CNGA4: variants seen among roughly 807,000 people sequenced by gnomAD.
The protein encoded by CNGA4 is cyclic nucleotide gated channel subunit alpha 4, also known as cyclic nucleotide-gated channel alpha-4.
Under a neutral mutation model 45.6 loss-of-function variants are expected in CNGA4, and 32 were observed. The ratio of observed to expected loss-of-function variants is 0.70; its 90% CI spans 0.53 to 0.94. The LOEUF (loss-of-function observed/expected upper bound fraction) is 0.94, where lower values mean the gene tolerates loss of function less well. CNGA4 is among the 40% of genes least tolerant of loss of function. CNGA4 has a pLI of 0.00. For synonymous variants in CNGA4, 293 were observed against 304.6 expected, an observed-to-expected ratio of 0.96 and a Z score of 0.40; for missense variants, 726 against 755.1, an observed-to-expected ratio of 0.96 and a Z score of 0.45.
Position 6,240,822 on chromosome 11 carries a change from A to G in CNGA4, c.917+111A>G. ...GAGCCAGGCAAGGCTGTCAAAATGT[A>G]GCATTCAGCCGTGGGTTTGCTGGCT... On this transcript the variant is annotated intron_variant, in intron 4 of 5. Transcript: ENST00000379936. The surrounding 1 kb of genome is among the most constrained non-coding windows in gnomAD (Gnocchi z 4.9). The G allele has an allele frequency of 3.0e-6, 4 of 1,352,204 alleles. No homozygotes were observed. The highest frequency in any genetic ancestry group is 4.0e-6 in the Non-Finnish European group (4 of 988,170). The allele number at this position is 1,352,204 out of a possible 1,614,324, so 83.8% of individuals were successfully genotyped here.
chr11:6,240,741 G>C lies in CNGA4; in HGVS notation c.917+30G>C. 1 of 1,599,242 alleles carries C rather than the reference G, an allele frequency of 6.3e-7. No homozygotes were observed. The highest frequency in any genetic ancestry group is 8.5e-7 in the Non-Finnish European group (1 of 1,171,628). ...GAAGGCGGGGTTCCAGACCAGGACAGGGACCAGTGTAGGTGATGGAACCTG... is the reference window on the plus strand; with the variant it reads ...GAAGGCGGGGTTCCAGACCAGGACACGGACCAGTGTAGGTGATGGAACCTG... On this transcript the variant is annotated intron_variant, in intron 4 of 5. Transcript: ENST00000379936. This position sits in a 1 kb window ranked among gnomAD's most constrained non-coding sequence, Gnocchi z 4.9.
upstream of CNGA4, chr11:6,239,081 G>T: frequency 2.6e-6 from 4 of 1,560,410 alleles, no homozygotes; most frequent in Non-Finnish European, 3.5e-6. Flanking sequence ...CAAAGACAAA[G>T]AAGTCACAGC....
chr11:6,239,254 C>A lies in CNGA4; in HGVS notation c.48C>A (p.Ala16=). The A allele has an allele frequency of 6.2e-7, 1 of 1,614,210 alleles. No individual in the cohort carries two copies. The highest frequency in any genetic ancestry group is 1.3e-5 in the African/African-American group (1 of 75,056). ...AGACAACAGAGTCCAGTCCCCCAGCCCCATCCAAGGCCAGGTGAGAAGTCC... is the reference window on the plus strand; with the variant it reads ...AGACAACAGAGTCCAGTCCCCCAGCACCATCCAAGGCCAGGTGAGAAGTCC... ...KVKTTESSPP[A]PSKARKLLPV... Residue 16 remains alanine (A), a synonymous_variant, in exon 1 of 6, where the codon GCC becomes GCA. Transcript: ENST00000379936.
upstream of CNGA4, chr11:6,235,603 TAAAATAGA>T (rs1462038701): frequency 2.0e-5 from 19 of 934,630 alleles, no homozygotes; most frequent in Non-Finnish European, 2.4e-5. Flanking sequence ...TAAGATAAAC[TAAAATAGA>T]AAAATAGAAG....
In CNGA4 at chr11:6,241,494, T is replaced by C; in HGVS notation, c.981T>C (p.Pro327=). 1.2e-6 allele frequency: 2 copies of C among 1,612,626 alleles called. No individual in the cohort carries two copies. The highest frequency in any genetic ancestry group is 2.2e-5 in the East Asian group (1 of 44,862). The change falls in exon 5 of 6, where the codon CCT becomes CCC. Residue 327 remains proline (P), a synonymous_variant. Transcript: ENST00000379936. ...TNEVAILQHL[P]ERLRAEVAVS... ...AGGTAGCCATCTTACAGCACTTGCC[T>C]GAGCGGCTGCGGGCAGAAGTGGCTG...
intron 5 of CNGA4, 130 bp downstream of exon 5, chr11:6,241,910 G>A: frequency 2.6e-6 from 2 of 757,660 alleles, no homozygotes; most frequent in Non-Finnish European, 4.3e-6. Context: ...CCTTCTCTGA[G>A]TCACTAGATG....
At position 6,243,844 on chromosome 11, in the gene CNGA4, G is replaced by A; in HGVS notation, c.1268-105G>A. ...AAAGAATTAATGAGGCAGAAGGAGA[G>A]GCTCAGAAGCACAAATATGGAGGTG... On this transcript the variant is annotated intron_variant, in intron 5 of 5. Transcript: ENST00000379936. 5.0e-6 allele frequency: 5 copies of A among 1,008,290 alleles called. No homozygotes were observed. In the South Asian group the frequency reaches 6.5e-5, roughly 13 times the overall value. The allele number at this position is 1,008,290 out of a possible 1,614,324, so 62.5% of individuals were successfully genotyped here.
chr11:6,234,866 A>G (rs1217544885), upstream of CNGA4: 1 of 152,544 alleles, frequency 6.6e-6, no homozygotes, highest in East Asian at 1.9e-4. Flanking sequence ...TCGTACGTAA[A>G]CCCCGCCCCT....
At chr11:6,242,138 A>G (rs1402395758) in intron 5 of CNGA4, 1 of 425,254 alleles carries the variant, frequency 2.4e-6, no homozygotes, top group African/African-American at 2.0e-5. Flanking sequence ...AGTGCTTCAC[A>G]TGATATTAAC....
upstream of CNGA4, chr11:6,239,070 C>T: frequency 2.6e-6 from 4 of 1,540,198 alleles, no homozygotes; most frequent in South Asian, 5.0e-5. Context: ...GCTAAGAGCC[C>T]CAAAGACAAA....
chr11:6,239,175 C>A lies in CNGA4; in HGVS notation c.-32C>A. The A allele has an allele frequency of 6.2e-7, 1 of 1,612,618 alleles. No individual in the cohort carries two copies. ...CCCCTACAGGCAGAGAGGGTGTGGA[C>A]ATCTCACACCCCAGCACCAGACCAC... On this transcript the variant is annotated 5_prime_UTR_variant, in exon 1 of 6. Transcript: ENST00000379936.
intron 1 of CNGA4, 34 bp downstream of exon 1, chr11:6,239,302 C>T: frequency 6.2e-7 from 1 of 1,613,062 alleles, no homozygotes; most frequent in Non-Finnish European, 8.5e-7. Flanking sequence ...TGGGATCTCT[C>T]CTCATTCCTC....
At chr11:6,239,051 G>A, upstream of CNGA4, 1 of 1,501,502 alleles carries the variant, frequency 6.7e-7, no homozygotes, top group Non-Finnish European at 8.9e-7. Flanking sequence ...CGCTAGCTCT[G>A]GTTGTGTTGC....
At chr11:6,243,773 G>C (rs956607056) in intron 5 of CNGA4, among the ~76,000 whole-genome samples, 176 bp from the exon 6 acceptor site, 5 of 152,136 alleles carry the variant, frequency 3.3e-5, no homozygotes, top group Non-Finnish European at 5.9e-5. Context: ...GCAGGTCACT[G>C]ATACCTACCC....
Position 6,240,795 on chromosome 11 carries a change from G to GC in CNGA4, c.917+84_917+85insC. 1 of 1,505,360 alleles carries GC rather than the reference G, an allele frequency of 6.6e-7. No individual in the cohort carries two copies. The highest frequency in any genetic ancestry group is 9.0e-7 in the Non-Finnish European group (1 of 1,108,266). The allele number at this position is 1,505,360 out of a possible 1,614,324, so 93.3% of individuals were successfully genotyped here. A position where few individuals can be genotyped will look rare whatever the true frequency, so the allele number is the denominator to read the frequency against. On this transcript the variant is annotated intron_variant, in intron 4 of 5. Transcript: ENST00000379936. The surrounding 1 kb of genome is among the most constrained non-coding windows in gnomAD (Gnocchi z 4.9). ...GAGGTAACTGGGTCCTTAGTGCCTG[G>GC]TGAGCCAGGCAAGGCTGTCAAAATG... is the stretch of plus-strand genomic sequence containing the variant.
chr11:6,243,708 G>A (rs1847948878), intron 5 of CNGA4, among the ~76,000 whole-genome samples: 1 of 152,172 alleles, frequency 6.6e-6, no homozygotes, highest in African/African-American at 2.4e-5. Context: ...CAGCCATACT[G>A]TTATATAACT....
upstream of CNGA4, among the ~76,000 whole-genome samples, chr11:6,237,605 G>C (rs932421905): frequency 6.6e-6 from 1 of 151,820 alleles, no homozygotes; most frequent in Non-Finnish European, 1.5e-5. Context: ...GCTTATGAAA[G>C]ACACTAAAAA....
At chr11:6,236,502 G>A (rs995253342), upstream of CNGA4, among the ~76,000 whole-genome samples, 2 of 152,168 alleles carry the variant, frequency 1.3e-5, no homozygotes, top group African/African-American at 4.8e-5. Flanking sequence ...GTGGATATAA[G>A]AGGAAAATAA....
At position 6,244,440 on chromosome 11, in the gene CNGA4, C is replaced by G; in HGVS notation, c.*31C>G. On this transcript the variant is annotated 3_prime_UTR_variant, in exon 6 of 6. Transcript: ENST00000379936. The surrounding 1 kb of genome is among the most constrained non-coding windows in gnomAD (Gnocchi z 4.5). The stretch of plus-strand genomic sequence containing the variant: ...TCCCCATCCCCAGGATTCCCACCTC[C>G]TAGTGAATCCAGAGTTGTAGTAAAG... The G allele has an allele frequency of 6.4e-7, 1 of 1,558,170 alleles. No individual in the cohort carries two copies. The highest frequency in any genetic ancestry group is 2.3e-5 in the East Asian group (1 of 42,802).
Sources: allele counts gnomAD v4.1 joint callset (sites outside exome capture counted in the v4.1 genomes callset), GRCh38; gene constraint gnomAD v4.1.1; non-coding constraint Gnocchi (gnomAD v3.1); transcripts MANE v1.5; gene names NCBI Gene and HGNC (gene_info 2026-07-23, HGNC 2026-07-21).